Variants in ASTN2 observed in about 807,000 individuals in gnomAD.
ASTN2 encodes astrotactin 2.
ASTN2 carries 54 observed loss-of-function variants against 139.8 expected under a neutral mutation model. That is an observed-to-expected ratio of 0.39 (90% CI 0.31 to 0.48). The LOEUF (loss-of-function observed/expected upper bound fraction) is 0.48, where lower values mean the gene tolerates loss of function less well. ASTN2 is among the 20% of genes least tolerant of loss of function. The pLI is 0.95. For missense variants in ASTN2, 1,565 were observed against 1,725.1 expected, an observed-to-expected ratio of 0.91 and a Z score of 1.64; for synonymous variants, 756 against 719.5, an observed-to-expected ratio of 1.05 and a Z score of -0.81.
chr9:117,414,530 G>C lies in ASTN2; in HGVS notation c.409C>G (p.Leu137Val). 1 of 1,608,970 alleles carries C rather than the reference G, an allele frequency of 6.2e-7. No individual in the cohort carries two copies. The highest frequency in any genetic ancestry group is 8.5e-7 in the Non-Finnish European group (1 of 1,178,246). ...LPGRIAVQDD[L>V]DNTELPFFTL... is the part of the protein sequence containing the mutation. ...AAGAAGGGCAGCTCGGTGTTGTCCA[G>C]GTCGTCCTGCACCGCGATGCGCCCC... is the stretch of plus-strand genomic sequence containing the variant. The change falls in exon 1 of 23, where the codon CTG becomes GTG. Residue 137 changes from leucine (L) to valine (V), a missense_variant. Leu to Val is a conservative substitution (Grantham distance 32). This residue lies in a region of ASTN2 where 596 missense variants were observed against 576.8 expected (regional missense o/e 1.03). Transcript: ENST00000313400. This position sits in a 1 kb window ranked among gnomAD's most constrained non-coding sequence, Gnocchi z 4.2.
At chr9:116,597,366 G>C (rs2131745853) in intron 19 of ASTN2, among the ~76,000 whole-genome samples, 1 of 141,266 alleles carries the variant, frequency 7.1e-6, no homozygotes, top group Non-Finnish European at 1.5e-5. Context: ...GGAGTGCAGT[G>C]GTGCGATCTT....
chr9:116,940,717 G>A (rs2132468106), intron 10 of ASTN2, among the ~76,000 whole-genome samples: 1 of 152,200 alleles, frequency 6.6e-6, no homozygotes, highest in Non-Finnish European at 1.5e-5. Context: ...AATAAATTTA[G>A]TGTAGCCTAA....
At chr9:116,508,571 G>A (rs10739465) in intron 19 of ASTN2, among the ~76,000 whole-genome samples, 152,281 of 152,284 alleles carry the variant, frequency 1, 76,139 homozygotes, top group Non-Finnish European at 1. Context: ...CCCACGTGGT[G>A]CCTTACAGTT....
At chr9:116,937,770 C>T (rs944975054) in intron 10 of ASTN2, among the ~76,000 whole-genome samples, 1 of 152,124 alleles carries the variant, frequency 6.6e-6, no homozygotes, top group African/African-American at 2.4e-5. Flanking sequence ...TGGTATTATA[C>T]ATAATTAATT....
chr9:116,788,848 T>TA (rs1170739422), intron 13 of ASTN2, among the ~76,000 whole-genome samples: 1 of 152,260 alleles, frequency 6.6e-6, no homozygotes, highest in East Asian at 1.9e-4. Context: ...TAAAAAAGTA[T>TA]ATTACTTTCC....
chr9:117,330,523 T>A (rs1450119903), intron 1 of ASTN2, among the ~76,000 whole-genome samples: 2 of 152,126 alleles, frequency 1.3e-5, no homozygotes, highest in Non-Finnish European at 2.9e-5. Context: ...TGTTCCTCCA[T>A]CCCGACTTCA....
intron 3 of ASTN2, among the ~76,000 whole-genome samples, chr9:117,171,919 T>G (rs531106462): frequency 1.3e-5 from 2 of 152,022 alleles, no homozygotes; most frequent in Non-Finnish European, 2.9e-5. Flanking sequence ...TTTTAGTAAA[T>G]TCATATAAGG....
At chr9:117,271,280 C>G (rs115932428) in intron 2 of ASTN2, among the ~76,000 whole-genome samples, 1 of 152,120 alleles carries the variant, frequency 6.6e-6, no homozygotes, top group Non-Finnish European at 1.5e-5. Flanking sequence ...ATAAACCCAC[C>G]AGATCTCATG....
intron 2 of ASTN2, among the ~76,000 whole-genome samples, chr9:117,278,796 C>CA (rs1372692056): frequency 1.3e-5 from 2 of 152,078 alleles, no homozygotes; most frequent in East Asian, 3.9e-4. Context: ...ACAGGATTAC[C>CA]ACAGTGAAGT....
chr9:116,901,366 T>A (rs995928819), intron 10 of ASTN2, among the ~76,000 whole-genome samples: 1 of 152,066 alleles, frequency 6.6e-6, no homozygotes, highest in African/African-American at 2.4e-5. Context: ...AAATAATTTA[T>A]AATTAGCCAG....
At chr9:116,551,374 T>C (rs1038492289) in intron 19 of ASTN2, among the ~76,000 whole-genome samples, 5 of 152,174 alleles carry the variant, frequency 3.3e-5, no homozygotes, top group Non-Finnish European at 7.4e-5. Context: ...GCATATCCCA[T>C]TCCCTTTATT....
At chr9:116,887,593 C>T (rs1833647084) in intron 10 of ASTN2, among the ~76,000 whole-genome samples, 1 of 152,006 alleles carries the variant, frequency 6.6e-6, no homozygotes. Flanking sequence ...TTACTATAGG[C>T]CAAGAGATAC....
At position 116,933,979 on chromosome 9, in the gene ASTN2, C is replaced by CTTTTTTTTTTTTTTTTTTTTTTTTTTT. The variant is rs148724828; in HGVS notation, c.1889+41228_1889+41229insAAAAAAAAAAAAAAAAAAAAAAAAAAA. ...ACCTCAGTTGTGCGAAGTGTTAGTC[C>CTTTTTTTTTTTTTTTTTTTTTTTTTTT]TTTTTTTTTTTTTTTTTTTTTTTCT... On this transcript the variant is annotated intron_variant, in intron 10 of 22. Coordinates refer to ENST00000313400, the MANE Select transcript of ASTN2 (RefSeq NM_001365068.1). Among the ~76,000 whole-genome samples, 380 of 86,832 alleles carry CTTTTTTTTTTTTTTTTTTTTTTTTTTT rather than the reference C, an allele frequency of 4.4e-3. 71 individuals carry two copies. The highest frequency in any genetic ancestry group is 0.012 in the East Asian group (20 of 1,668). 57.0% of individuals were successfully genotyped at this position (86,832 alleles called of 152,430 possible).
At chr9:116,896,887 C>T (rs913571570) in intron 10 of ASTN2, among the ~76,000 whole-genome samples, 9 of 152,122 alleles carry the variant, frequency 5.9e-5, no homozygotes, top group African/African-American at 1.9e-4. Flanking sequence ...GATTACAATT[C>T]GAGATGAGAT....
chr9:116,587,781 T>C (rs1325576393), intron 19 of ASTN2, among the ~76,000 whole-genome samples: 3 of 152,208 alleles, frequency 2.0e-5, no homozygotes, highest in Non-Finnish European at 4.4e-5. Context: ...AGGACTGTTG[T>C]AGGCAACTGG....
At position 116,502,686 on chromosome 9, in the gene ASTN2, G is replaced by GGAAGGAAA. The variant is rs1327067841; in HGVS notation, c.3356-15187_3356-15186insTTTCCTTC. Reference sequence around the variant, plus strand: ...AAAACAGAAGGAAGAAAGGAAAGAAGGAAGGAAGGAAGGAAGGAAGGAAGG... The same window carrying GGAAGGAAA: ...AAAACAGAAGGAAGAAAGGAAAGAAGGAAGGAAAGAAGGAAGGAAGGAAGGAAGGAAGG... On this transcript the variant is annotated intron_variant, in intron 19 of 22. Transcript: ENST00000313400. Among the ~76,000 whole-genome samples the GGAAGGAAA allele has an allele frequency of 0.011, 59 of 5,258 alleles. No individual in the cohort carries two copies. The South Asian group carries it at 0.14, about 13-fold the overall frequency. 3.4% of individuals were successfully genotyped at this position (5,258 alleles called of 152,430 possible). A position where few individuals can be genotyped will look rare whatever the true frequency, so the allele number is the denominator to read the frequency against.
chr9:116,538,029 T>C (rs996816712), intron 19 of ASTN2, among the ~76,000 whole-genome samples: 15 of 152,152 alleles, frequency 9.9e-5, no homozygotes, highest in Admixed American at 6.6e-5. Flanking sequence ...TATCAAAATT[T>C]GAAACAAGAT....
chr9:117,197,833 T>C (rs1002018875), intron 3 of ASTN2, among the ~76,000 whole-genome samples: 1 of 152,192 alleles, frequency 6.6e-6, no homozygotes, highest in South Asian at 2.1e-4. Context: ...AATATTTTGC[T>C]GGGTACAGAA....
intron 19 of ASTN2, among the ~76,000 whole-genome samples, chr9:116,570,225 T>C (rs918833641): frequency 1.3e-5 from 2 of 152,224 alleles, no homozygotes; most frequent in Non-Finnish European, 2.9e-5. Flanking sequence ...GCACAGTTCA[T>C]ATAGTGGGTT....
Sources: allele counts gnomAD v4.1 joint callset (sites outside exome capture counted in the v4.1 genomes callset), GRCh38; gene constraint gnomAD v4.1.1; regional missense constraint gnomAD v4.1.1; non-coding constraint Gnocchi (gnomAD v3.1); transcripts MANE v1.5; gene names NCBI Gene and HGNC (gene_info 2026-07-23, HGNC 2026-07-21).